SHISA9: variants seen among roughly 807,000 people sequenced by gnomAD.
SHISA9 encodes the protein protein shisa-9.
Under a neutral mutation model 38.0 loss-of-function variants are expected in SHISA9, and 13 were observed. The observed-to-expected ratio is 0.34, with a 90% CI of 0.22 to 0.54. The LOEUF is 0.54. SHISA9 is among the 20% of genes least tolerant of loss of function. The probability of loss-of-function intolerance (pLI) is 0.91; values close to 1 mark genes in which losing one functional copy is unlikely to be tolerated. For synonymous variants in SHISA9, 275 were observed against 242.0 expected, an observed-to-expected ratio of 1.14 and a Z score of -1.27; for missense variants, 538 against 575.8, an observed-to-expected ratio of 0.93 and a Z score of 0.67.
chr16:12,986,460 A>G (rs1456495883), intron 2 of SHISA9, among the ~76,000 whole-genome samples: 1 of 152,194 alleles, frequency 6.6e-6, no homozygotes, highest in South Asian at 2.1e-4. Context: ...AGCGGTAATT[A>G]AAATAATGGA....
chr16:13,068,710 T>C (rs936752796), intron 2 of SHISA9, among the ~76,000 whole-genome samples: 1 of 152,156 alleles, frequency 6.6e-6, no homozygotes, highest in African/African-American at 2.4e-5. Flanking sequence ...GGTAAAAGGG[T>C]CTGAGATGTG....
chr16:13,328,070 G>T, the SHISA9 span, among the ~76,000 whole-genome samples: 18,145 of 152,158 alleles, frequency 0.12, 1,177 homozygotes, highest in Middle Eastern at 0.15. Context: ...TGCATGCAAA[G>T]GGAGAGCAAC....
the SHISA9 span, among the ~76,000 whole-genome samples, chr16:13,414,527 C>A: frequency 6.6e-6 from 1 of 152,074 alleles, no homozygotes; most frequent in Non-Finnish European, 1.5e-5. Context: ...AGGAATGAGG[C>A]TCAGAGAAGT....
intron 2 of SHISA9, among the ~76,000 whole-genome samples, chr16:13,165,637 G>T (rs189000155): frequency 1.3e-5 from 2 of 152,138 alleles, no homozygotes; most frequent in Admixed American, 6.5e-5. Context: ...CATGAGCAAA[G>T]GTACTTTGTA....
intron 2 of SHISA9, among the ~76,000 whole-genome samples, chr16:13,110,270 A>T (rs1406713305): frequency 6.6e-6 from 1 of 152,086 alleles, no homozygotes; most frequent in East Asian, 1.9e-4. Context: ...CAAGCCTCCC[A>T]TTCCTGCCAC....
chr16:13,301,339 G>T, the SHISA9 span, among the ~76,000 whole-genome samples: 1 of 152,188 alleles, frequency 6.6e-6, no homozygotes, highest in African/African-American at 2.4e-5. Flanking sequence ...TTGTTAAAAT[G>T]TAGTTTCTGA....
the SHISA9 span, among the ~76,000 whole-genome samples, chr16:13,391,089 G>T: frequency 6.6e-6 from 1 of 152,142 alleles, no homozygotes; most frequent in African/African-American, 2.4e-5. Context: ...GAAAAGAGTT[G>T]ATAAGAGTGA....
At chr16:13,550,244 C>T in the SHISA9 span, among the ~76,000 whole-genome samples, 8 of 152,002 alleles carry the variant, frequency 5.3e-5, no homozygotes, top group Non-Finnish European at 7.4e-5. Flanking sequence ...TTTTAAGCTC[C>T]GTGAAGACCT....
the SHISA9 span, among the ~76,000 whole-genome samples, chr16:13,359,583 T>G: frequency 1.3e-5 from 2 of 152,240 alleles, no homozygotes; most frequent in Non-Finnish European, 2.9e-5. Flanking sequence ...AAGTTTAGAA[T>G]TCTATCCAAT....
At chr16:13,120,866 G>C (rs1007510074) in intron 2 of SHISA9, among the ~76,000 whole-genome samples, 1 of 152,140 alleles carries the variant, frequency 6.6e-6, no homozygotes, top group African/African-American at 2.4e-5. Context: ...GACTTTCACA[G>C]CCCATTTTAC....
At chr16:13,539,314 ATATAAAG>A in the SHISA9 span, among the ~76,000 whole-genome samples, 3 of 43,136 alleles carry the variant, frequency 7.0e-5, no homozygotes. Context: ...ATATATATAT[ATATAAAG>A]ACAGGATCTT....
chr16:13,255,253 T>A, the SHISA9 span, among the ~76,000 whole-genome samples: 1 of 152,094 alleles, frequency 6.6e-6, no homozygotes, highest in African/African-American at 2.4e-5. Context: ...TCTGTCTCTC[T>A]CTCTCCCTCT....
At chr16:13,412,598 T>C in the SHISA9 span, among the ~76,000 whole-genome samples, 1 of 152,084 alleles carries the variant, frequency 6.6e-6, no homozygotes, top group Non-Finnish European at 1.5e-5. Context: ...GGCTCACACC[T>C]ATAATCTCAG....
At chr16:13,396,405 G>A in the SHISA9 span, among the ~76,000 whole-genome samples, 1 of 152,180 alleles carries the variant, frequency 6.6e-6, no homozygotes, top group African/African-American at 2.4e-5. Context: ...TACTGAGGAG[G>A]CTGAGGCACG....
the SHISA9 span, among the ~76,000 whole-genome samples, chr16:13,492,801 T>G: frequency 7.2e-5 from 11 of 152,240 alleles, no homozygotes; most frequent in Non-Finnish European, 1.2e-4. Context: ...AGGAGACATT[T>G]AAGCTGAGAT....
At chr16:13,463,748 C>G in the SHISA9 span, among the ~76,000 whole-genome samples, 1 of 152,182 alleles carries the variant, frequency 6.6e-6, no homozygotes, top group Non-Finnish European at 1.5e-5. Context: ...CAGGAAATAT[C>G]GAGCAAATGG....
At chr16:13,454,585 C>T in the SHISA9 span, among the ~76,000 whole-genome samples, 5 of 152,054 alleles carry the variant, frequency 3.3e-5, no homozygotes, top group Non-Finnish European at 7.4e-5. Flanking sequence ...AGAAATATGC[C>T]CGAAGTCACA....
chr16:13,529,728 C>T, the SHISA9 span, among the ~76,000 whole-genome samples: 1 of 152,166 alleles, frequency 6.6e-6, no homozygotes, highest in Non-Finnish European at 1.5e-5. Context: ...CAACACCAAC[C>T]TATAGGGCAT....
intron 2 of SHISA9, among the ~76,000 whole-genome samples, chr16:13,197,154 TATAG>T (rs981639420): frequency 1.5e-4 from 23 of 148,644 alleles, no homozygotes; most frequent in Non-Finnish European, 1.3e-4. Flanking sequence ...TGTATATATA[TATAG>T]AGAGAGAGAG....
Sources: gnomAD v4.1 joint callset for allele counts (sites outside exome capture counted in the v4.1 genomes callset) on GRCh38, gnomAD v4.1.1 for gene constraint, MANE v1.5 for transcripts, NCBI Gene and HGNC (gene_info 2026-07-23, HGNC 2026-07-21) for gene names.